The following PSRC1 variants were observed in gnomAD, a reference collection of about 807,000 sequenced individuals.
The protein encoded by PSRC1 is proline and serine rich coiled-coil 1.
PSRC1 carries 30 observed loss-of-function variants against 31.9 expected under a neutral mutation model. The observed-to-expected ratio is 0.94, with a 90% CI of 0.70 to 1.28. The LOEUF is 1.28. Ranked by LOEUF, PSRC1 falls within the 50% of genes most tolerant of loss-of-function variation. The pLI is 0.00. For missense variants in PSRC1, 481 were observed against 472.8 expected (o/e 1.02, Z -0.16); for synonymous variants, 191 against 192.1 (o/e 0.99, Z 0.05).
exon 7 of PSRC1, chr1:109,279,873 G>T (rs1656755619): frequency 3.8e-6 from 2 of 523,740 alleles, no homozygotes; most frequent in African/African-American, 1.9e-5. Context: ...CAAACCACTT[G>T]CCTGTACTTC....
intron 3 of PSRC1, 49 bp from the exon 4 acceptor site, chr1:109,282,109 G>A (rs1413108040): frequency 1.4e-6 from 2 of 1,425,406 alleles, no homozygotes; most frequent in Non-Finnish European, 1.9e-6. Flanking sequence ...AAGGGAACAG[G>A]AGATTATGCA....
chr1:109,280,124 C>T (rs1656799844), exon 7 of PSRC1: 8 of 1,614,164 alleles, frequency 5.0e-6, no homozygotes, highest in Non-Finnish European at 5.9e-6. Flanking sequence ...TGGTTTGCTA[C>T]TGAAGTCTTG....
chr1:109,281,618 C>T lies in PSRC1; in HGVS notation c.519+1G>A, dbSNP rs762263698. 6 of 1,608,298 alleles carry T rather than the reference C, an allele frequency of 3.7e-6. No homozygotes were observed. In the South Asian group the frequency reaches 6.6e-5, roughly 18 times the overall value. On this transcript the variant is annotated splice_donor_variant, in intron 4 of 6. Coordinates refer to ENST00000409138, the Ensembl canonical transcript of PSRC1. LOFTEE classifies it high-confidence loss of function. ...CCTCCAACTCAACTCTCTCAACTCACCCTCTTCATGTTGGAGGGCCTCTTT... is the reference window on the plus strand; with the variant it reads ...CCTCCAACTCAACTCTCTCAACTCATCCTCTTCATGTTGGAGGGCCTCTTT...
At chr1:109,280,735 C>T (rs750252914) in intron 5 of PSRC1, 42 bp downstream of exon 6, 40 of 1,480,812 alleles carry the variant, frequency 2.7e-5, no homozygotes, top group Non-Finnish European at 3.7e-5. Context: ...AGGGTGAGGA[C>T]ACGCTGGGCA....
At chr1:109,282,025 G>T in exon 4 of PSRC1, 1 of 1,506,712 alleles carries the variant, frequency 6.6e-7, no homozygotes. Context: ...TGGTTTCTCT[G>T]GAGTCACCAA....
intron 4 of PSRC1, 29 bp downstream of exon 4, chr1:109,281,590 A>C: frequency 6.4e-7 from 1 of 1,573,260 alleles, no homozygotes; most frequent in Non-Finnish European, 8.7e-7. Flanking sequence ...TGTCTGGGGC[A>C]CACCTCCAAC....
chr1:109,281,686 T>C, exon 4 of PSRC1: 1 of 1,614,016 alleles, frequency 6.2e-7, no homozygotes. Context: ...CTTCCTATCA[T>C]TACTCCGGAG....
exon 4 of PSRC1, chr1:109,281,965 G>T: frequency 1.3e-6 from 2 of 1,539,300 alleles, no homozygotes; most frequent in Middle Eastern, 1.8e-4. Context: ...ACCCTGGGGG[G>T]CAGGTGCCAC....
rs140262720 is a variant in PSRC1 at position 109,280,595 on chromosome 1, A to C, written c.995-106T>G. The C allele has an allele frequency of 1.4e-5, 14 of 1,017,722 alleles. No homozygotes were observed. The East Asian group carries it at 3.7e-4, about 27-fold the overall frequency. The allele number at this position is 1,017,722 out of a possible 1,614,324, so 63.0% of individuals were successfully genotyped here. On this transcript the variant is annotated intron_variant, in intron 5 of 6. Coordinates refer to ENST00000409138, the Ensembl canonical transcript of PSRC1. ...GTGTGGGATTAGTACTCTCCCCCTG[A>C]CCATGAGGTATTTGAAAACTAAGAC...
In PSRC1 at chr1:109,280,906, G is replaced by A. The variant is rs200443495; in HGVS notation, c.865C>T (p.Arg289Ter). 18 of 1,614,104 alleles carry A rather than the reference G, an allele frequency of 1.1e-5. No individual in the cohort carries two copies. The highest frequency in any genetic ancestry group is 5.0e-5 in the Admixed American group (3 of 60,012). The change falls in exon 5 of 7, where the codon CGA becomes TGA. Residue 289 changes from arginine (R) to a stop codon, truncating the protein, a stop_gained. Transcript: ENST00000409138. LOFTEE classifies it high-confidence loss of function. ...ACACTCCGGCTGGTGAGTGGCATTC[G>A]GCTGGCAGGCCTGGGGATGGCCGAG...
Position 109,281,001 on chromosome 1 carries a change from G to C in PSRC1, c.770C>G (p.Thr257Ser), listed in dbSNP as rs920274376. 1 of 1,605,988 alleles carries C rather than the reference G, an allele frequency of 6.2e-7. No individual in the cohort carries two copies. Among genetic ancestry groups the C allele is most frequent in the African/African-American group, 1.3e-5 (1 of 74,762 alleles). Reference sequence around the variant, plus strand: ...CCGGGGCAGGCGTTGAGAGTTGCTGGTAGAAGGCTGTGGGGCCAGGACGGA... The same window carrying C: ...CCGGGGCAGGCGTTGAGAGTTGCTGCTAGAAGGCTGTGGGGCCAGGACGGA... The change falls in exon 5 of 7, where the codon ACC becomes AGC. Residue 257 changes from threonine (T) to serine (S), a missense_variant. Coordinates refer to ENST00000409138, the Ensembl canonical transcript of PSRC1.
chr1:109,281,689 C>T (rs745350279), exon 4 of PSRC1: 17 of 1,614,112 alleles, frequency 1.1e-5, no homozygotes, highest in Admixed American at 5.0e-5. Context: ...CCTATCATTA[C>T]TCCGGAGTCG....
At chr1:109,282,790 C>G in intron 1 of PSRC1, 54 bp from the exon 2 acceptor site, 1 of 1,533,792 alleles carries the variant, frequency 6.5e-7, no homozygotes, top group Non-Finnish European at 8.8e-7. Context: ...AGGCTCGCAG[C>G]TAGATTCAGG....
chr1:109,280,306 C>A, intron 6 of PSRC1, 90 bp downstream of exon 7: 1 of 1,433,668 alleles, frequency 7.0e-7, no homozygotes, highest in Non-Finnish European at 9.7e-7. Context: ...TCTTTCCATA[C>A]AAAATTCAGG....
chr1:109,282,807 GC>G, intron 1 of PSRC1, 71 bp from the exon 2 acceptor site: 1 of 1,476,338 alleles, frequency 6.8e-7, no homozygotes, highest in Non-Finnish European at 9.2e-7. Flanking sequence ...CAGGGTGCAA[GC>G]CAGGGTCGGG....
chr1:109,280,715 C>T, intron 5 of PSRC1, 62 bp downstream of exon 6: 4 of 1,377,006 alleles, frequency 2.9e-6, no homozygotes, highest in Non-Finnish European at 4.0e-6. Flanking sequence ...TCACTGTTGA[C>T]AGCTCTGGGA....
intron 6 of PSRC1, 53 bp from the exon 8 acceptor site, chr1:109,280,209 A>C: frequency 6.2e-7 from 1 of 1,602,046 alleles, no homozygotes; most frequent in Non-Finnish European, 8.6e-7. Context: ...CCTCAAGCCC[A>C]TTTGTCACCC....
intron 3 of PSRC1, 108 bp downstream of exon 3, chr1:109,282,410 G>T: frequency 2.0e-6 from 2 of 1,024,494 alleles, no homozygotes; most frequent in Middle Eastern, 2.4e-4. Context: ...AGCCCCAAGT[G>T]CGCCAAACCT....
At position 109,281,190 on chromosome 1, in the gene PSRC1, C is replaced by T. The variant is rs750491999; in HGVS notation, c.581G>A (p.Arg194Gln). The T allele has an allele frequency of 8.7e-5, 140 of 1,613,312 alleles. 1 individual carries two copies. Among genetic ancestry groups the T allele is most frequent in the Non-Finnish European group, 1.1e-4 (127 of 1,179,742 alleles). The change falls in exon 5 of 7, where the codon CGA becomes CAA. Residue 194 changes from arginine to glutamine, a missense_variant. Physicochemically the swap from Arg to Gln is conservative, Grantham distance 43 (BLOSUM62 1). Transcript: ENST00000409138. ...TCTCCCCCGGACTGGGGGAGTCGAT[C>T]GGGTAAGAGGAGAAGATGCTGGGCT... is the stretch of plus-strand genomic sequence containing the variant.
Sources: allele counts gnomAD v4.1 joint callset, GRCh38; gene constraint gnomAD v4.1.1; transcripts MANE v1.5; gene names NCBI Gene and HGNC (gene_info 2026-07-23, HGNC 2026-07-21).